DPP10: variants seen among roughly 807,000 people sequenced by gnomAD.
DPP10 encodes the protein dipeptidyl peptidase like 10, also known as inactive dipeptidyl peptidase 10.
In DPP10, 33 loss-of-function variants were observed where a neutral mutation model predicts 120.9. The observed-to-expected ratio is 0.27, with a 90% CI of 0.21 to 0.37. DPP10 has a LOEUF of 0.37. Among genes scored for constraint, DPP10 ranks in the 10% least tolerant of loss-of-function variants. The pLI is 1.00. For missense variants in DPP10, 816 were observed against 942.8 expected (o/e 0.87, Z 1.76); for synonymous variants, 337 against 326.1 (o/e 1.03, Z -0.36).
intron 1 of DPP10, among the ~76,000 whole-genome samples, chr2:115,024,106 A>G (rs1440932084): frequency 6.6e-6 from 1 of 152,116 alleles, no homozygotes; most frequent in Non-Finnish European, 1.5e-5. Context: ...ATCACTGCTA[A>G]GGAACTTATT....
At chr2:115,445,578 G>A (rs909396790) in intron 3 of DPP10, among the ~76,000 whole-genome samples, 3 of 152,132 alleles carry the variant, frequency 2.0e-5, no homozygotes, top group African/African-American at 7.2e-5. Flanking sequence ...GTGGAGTTTT[G>A]TCCCTGCCCT....
chr2:115,185,190 G>A (rs922381125), intron 1 of DPP10, among the ~76,000 whole-genome samples: 4 of 151,564 alleles, frequency 2.6e-5, no homozygotes, highest in Admixed American at 6.6e-5. Context: ...CGCACAGCAC[G>A]TTAACTCCTT....
chr2:114,665,697 T>C (rs1190675711), intron 1 of DPP10, among the ~76,000 whole-genome samples: 1 of 152,172 alleles, frequency 6.6e-6, no homozygotes, highest in Non-Finnish European at 1.5e-5. Context: ...TATAGAAATA[T>C]AAGCCCTACA....
Position 114,468,967 on chromosome 2 carries a change from A to G in DPP10, c.60+26129A>G, listed in dbSNP as rs572085310. Among the ~76,000 whole-genome samples the G allele has an allele frequency of 5.3e-5, 8 of 152,334 alleles. No individual in the cohort carries two copies. The East Asian group carries it at 1.4e-3, about 26-fold the overall frequency. The stretch of plus-strand genomic sequence containing the variant: ...AAGGGAAAAAAGGGTGGAAAAGGAA[A>G]AGACAAATGAAAATGGGCTTCCTAA... On this transcript the variant is annotated intron_variant, in intron 1 of 25. Coordinates refer to ENST00000410059, the MANE Select transcript of DPP10 (RefSeq NM_020868.6).
intron 3 of DPP10, among the ~76,000 whole-genome samples, chr2:115,433,593 C>T (rs1477135547): frequency 6.6e-6 from 1 of 151,882 alleles, no homozygotes; most frequent in East Asian, 1.9e-4. Context: ...AGTTAGAATT[C>T]ACATTCACTA....
intron 1 of DPP10, among the ~76,000 whole-genome samples, chr2:114,627,400 A>G (rs987749669): frequency 6.6e-6 from 1 of 152,100 alleles, no homozygotes; most frequent in African/African-American, 2.4e-5. Context: ...ATCATACTGT[A>G]TGCTATCTTG....
chr2:114,831,441 C>T (rs1167460974), intron 1 of DPP10, among the ~76,000 whole-genome samples: 1 of 152,086 alleles, frequency 6.6e-6, no homozygotes, highest in Non-Finnish European at 1.5e-5. Flanking sequence ...GAAATGTAGG[C>T]TTTGGAAAGC....
chr2:115,589,443 A>C (rs1275955399), intron 5 of DPP10, among the ~76,000 whole-genome samples: 4 of 152,200 alleles, frequency 2.6e-5, no homozygotes, highest in African/African-American at 9.6e-5. Flanking sequence ...TTGGAGGGAA[A>C]GAACCTGAGA....
chr2:114,764,346 G>GA (rs1231504953), intron 1 of DPP10, among the ~76,000 whole-genome samples: 443 of 93,098 alleles, frequency 4.8e-3, no homozygotes, highest in African/African-American at 0.014. Context: ...GAGTTATTTT[G>GA]AAAAAAAAAA....
intron 19 of DPP10, among the ~76,000 whole-genome samples, chr2:115,799,548 AG>A (rs1222093188): frequency 2.0e-5 from 3 of 150,676 alleles, no homozygotes; most frequent in Non-Finnish European, 4.4e-5. Flanking sequence ...CACGTCATTT[AG>A]CATTAGGTAT....
In DPP10 at chr2:114,785,231, A is replaced by G. The variant is rs1023014781; in HGVS notation, c.60+342393A>G. On this transcript the variant is annotated intron_variant, in intron 1 of 25. Transcript: ENST00000410059. The stretch of plus-strand genomic sequence containing the variant: ...TGTTTATTTGGCAGAGGCGATGAGA[A>G]TAGGGCATGCTTTGCTGGATTTTTT... Among the ~76,000 whole-genome samples the G allele has an allele frequency of 2.0e-5, 3 of 150,196 alleles. No homozygotes were observed. The East Asian group carries it at 5.8e-4, about 29-fold the overall frequency.
chr2:115,567,281 C>T (rs917444866), intron 5 of DPP10, among the ~76,000 whole-genome samples: 1 of 152,170 alleles, frequency 6.6e-6, no homozygotes, highest in African/African-American at 2.4e-5. Context: ...ATTGTCACCG[C>T]TTCTCACCTT....
chr2:115,193,807 AT>A (rs1408110962), intron 1 of DPP10, among the ~76,000 whole-genome samples: 2 of 152,126 alleles, frequency 1.3e-5, no homozygotes, highest in Admixed American at 1.3e-4. Flanking sequence ...TTGAATACTT[AT>A]TGTGTCTTTT....
chr2:115,708,377 G>A (rs1214104444), intron 7 of DPP10, among the ~76,000 whole-genome samples: 1 of 151,798 alleles, frequency 6.6e-6, no homozygotes, highest in Admixed American at 6.6e-5. Flanking sequence ...AAAAGACCGT[G>A]GTAAGTATCT....
intron 1 of DPP10, among the ~76,000 whole-genome samples, chr2:114,782,265 G>A (rs1394108504): frequency 6.6e-6 from 1 of 151,694 alleles, no homozygotes; most frequent in Non-Finnish European, 1.5e-5. Flanking sequence ...GAATAAACAA[G>A]TTGCTGAATG....
At chr2:115,182,577 G>A (rs2054151154) in intron 1 of DPP10, among the ~76,000 whole-genome samples, 1 of 152,114 alleles carries the variant, frequency 6.6e-6, no homozygotes, top group Non-Finnish European at 1.5e-5. Flanking sequence ...AAAGTATCCT[G>A]TTCTCAGTGA....
intron 5 of DPP10, among the ~76,000 whole-genome samples, chr2:115,666,753 T>G (rs1436875523): frequency 6.6e-6 from 1 of 152,180 alleles, no homozygotes; most frequent in African/African-American, 2.4e-5. Context: ...GAACAATTTA[T>G]AATCTTTTGG....
intron 1 of DPP10, among the ~76,000 whole-genome samples, chr2:114,972,463 T>C (rs1169723234): frequency 6.6e-6 from 1 of 152,194 alleles, no homozygotes; most frequent in African/African-American, 2.4e-5. Flanking sequence ...TCAGTGAAGA[T>C]GCTTTAGGTA....
intron 3 of DPP10, among the ~76,000 whole-genome samples, chr2:115,449,629 T>C (rs1003390848): frequency 2.6e-5 from 4 of 152,090 alleles, no homozygotes; most frequent in Non-Finnish European, 5.9e-5. Context: ...TAGCTAAATA[T>C]TGAAGTCAGA....
Sources: allele counts gnomAD v4.1 joint callset (sites outside exome capture counted in the v4.1 genomes callset), GRCh38; gene constraint gnomAD v4.1.1; transcripts MANE v1.5; gene names NCBI Gene and HGNC (gene_info 2026-07-23, HGNC 2026-07-21).